R3HDM2: variants seen among roughly 807,000 people sequenced by gnomAD.
R3HDM2 encodes the protein R3H domain containing 2.
A neutral mutation model predicts 124.5 loss-of-function variants in R3HDM2; 38 were observed. The observed-to-expected ratio is 0.31, with a 90% confidence interval of 0.24 to 0.40. The LOEUF (loss-of-function observed/expected upper bound fraction) is 0.40, where lower values mean the gene tolerates loss of function less well. Ranked by LOEUF, R3HDM2 falls within the 10% of genes least tolerant of loss-of-function variation. The pLI is 1.00. For synonymous variants in R3HDM2, 391 were observed against 448.0 expected (o/e 0.87, Z 1.61); for missense variants, 869 against 1,236.9 (o/e 0.70, Z 4.46).
rs1029675317 is a variant in R3HDM2 at position 57,419,596 on chromosome 12, C to T, written c.-106+11124G>A. Among the ~76,000 whole-genome samples the T allele has an allele frequency of 5.9e-5, 9 of 152,186 alleles. No homozygotes were observed. The East Asian group carries it at 1.7e-3, about 29-fold the overall frequency. On this transcript the variant is annotated intron_variant, in intron 1 of 23. Coordinates refer to ENST00000402412, the MANE Select transcript of R3HDM2 (RefSeq NM_001394031.1). ...CTGGGATAAAAGGTGCATGCCACCACATCCAGCTAATTGCTTTAACTTCTG... is the reference window on the plus strand; with the variant it reads ...CTGGGATAAAAGGTGCATGCCACCATATCCAGCTAATTGCTTTAACTTCTG...
intron 2 of R3HDM2, among the ~76,000 whole-genome samples, chr12:57,358,361 G>A (rs1446980875): frequency 1.3e-5 from 2 of 152,108 alleles, no homozygotes; most frequent in African/African-American, 2.4e-5. Flanking sequence ...TAGAGGCCAA[G>A]TGGAGAAGTG....
chr12:57,297,172 A>T (rs990929468), intron 8 of R3HDM2, 156 bp downstream of exon 8: 25 of 542,200 alleles, frequency 4.6e-5, no homozygotes, highest in Non-Finnish European at 4.6e-5. Context: ...GAAAAGATAT[A>T]AATTATTTTT....
chr12:57,315,550 C>A (rs889100380), intron 2 of R3HDM2, among the ~76,000 whole-genome samples: 1 of 152,178 alleles, frequency 6.6e-6, no homozygotes, highest in African/African-American at 2.4e-5. Flanking sequence ...ATCAAAATGA[C>A]AACTTTGCAG....
At chr12:57,421,416 C>CTGGGA (rs1367262226) in intron 1 of R3HDM2, among the ~76,000 whole-genome samples, 1 of 148,658 alleles carries the variant, frequency 6.7e-6, no homozygotes, top group Non-Finnish European at 1.5e-5. Flanking sequence ...TCCCAAAGTG[C>CTGGGA]TGGGATTACA....
chr12:57,393,001 T>A (rs1271085516), intron 2 of R3HDM2, among the ~76,000 whole-genome samples: 1 of 152,058 alleles, frequency 6.6e-6, no homozygotes. Context: ...AGACAGGGTT[T>A]CACCATGTTA....
At chr12:57,275,827 T>C (rs1430829914) in intron 14 of R3HDM2, among the ~76,000 whole-genome samples, 2 of 152,220 alleles carry the variant, frequency 1.3e-5, no homozygotes, top group Non-Finnish European at 2.9e-5. Flanking sequence ...ACAGCAGATG[T>C]TGGCATGGAT....
At chr12:57,328,103 GT>G (rs1245124386) in intron 2 of R3HDM2, among the ~76,000 whole-genome samples, 2 of 148,336 alleles carry the variant, frequency 1.3e-5, no homozygotes, top group African/African-American at 5.0e-5. Context: ...ACAGGGTCTC[GT>G]TCTGTCACCC....
At chr12:57,330,331 T>A (rs1186352732) in intron 2 of R3HDM2, among the ~76,000 whole-genome samples, 4 of 151,890 alleles carry the variant, frequency 2.6e-5, no homozygotes. Context: ...TCCTTCTATT[T>A]TGCTGAATGC....
At chr12:57,395,294 C>T (rs541542751) in intron 2 of R3HDM2, among the ~76,000 whole-genome samples, 7 of 152,152 alleles carry the variant, frequency 4.6e-5, no homozygotes, top group East Asian at 1.9e-4. Context: ...CACCTAAGGT[C>T]GGGAGTTCCA....
At chr12:57,382,105 G>A in intron 2 of R3HDM2, among the ~76,000 whole-genome samples, 1 of 151,480 alleles carries the variant, frequency 6.6e-6, no homozygotes, top group Admixed American at 6.6e-5. Context: ...ACAGGTATGA[G>A]CCACTGCACC....
intron 11 of R3HDM2, among the ~76,000 whole-genome samples, chr12:57,290,154 T>C (rs1458137247): frequency 6.6e-6 from 1 of 152,246 alleles, no homozygotes; most frequent in Non-Finnish European, 1.5e-5. Context: ...CAGTCCACTG[T>C]TGTACATAAT....
At chr12:57,368,581 G>A (rs1397201389) in intron 2 of R3HDM2, among the ~76,000 whole-genome samples, 2 of 152,114 alleles carry the variant, frequency 1.3e-5, no homozygotes, top group East Asian at 1.9e-4. Flanking sequence ...ATGTGATGGA[G>A]CCCCAGTAAA....
At chr12:57,426,207 G>A (rs766905273) in intron 1 of R3HDM2, among the ~76,000 whole-genome samples, 72 of 152,078 alleles carry the variant, frequency 4.7e-4, no homozygotes, top group Non-Finnish European at 6.2e-4. Flanking sequence ...CAGCTTGGGC[G>A]ACAGAGCGAG....
chr12:57,376,671 C>T (rs1336921136), intron 2 of R3HDM2, among the ~76,000 whole-genome samples: 2 of 151,860 alleles, frequency 1.3e-5, no homozygotes, highest in Admixed American at 6.6e-5. Context: ...AATATGGGGA[C>T]GGGGGCAGTG....
At chr12:57,282,658 T>G (rs2046437075) in intron 13 of R3HDM2, among the ~76,000 whole-genome samples, 2 of 151,786 alleles carry the variant, frequency 1.3e-5, no homozygotes, top group Admixed American at 1.3e-4. Context: ...ACCCCGACTC[T>G]TGAAAAAGCA....
chr12:57,422,292 T>C (rs182339902), intron 1 of R3HDM2, among the ~76,000 whole-genome samples: 76 of 152,284 alleles, frequency 5.0e-4, no homozygotes, highest in South Asian at 1.4e-3. Context: ...GTAGCTTTCA[T>C]AGTTTAAGAC....
At chr12:57,370,155 G>A (rs1339693416) in intron 2 of R3HDM2, among the ~76,000 whole-genome samples, 1 of 152,068 alleles carries the variant, frequency 6.6e-6, no homozygotes, top group Non-Finnish European at 1.5e-5. Context: ...TGGATCACGG[G>A]GGCGGTTCCC....
At chr12:57,381,188 G>A (rs1358975079) in intron 2 of R3HDM2, among the ~76,000 whole-genome samples, 1 of 151,792 alleles carries the variant, frequency 6.6e-6, no homozygotes, top group East Asian at 1.9e-4. Flanking sequence ...CTGATATCAC[G>A]CCATTGCACT....
At chr12:57,303,039 G>T (rs2051624067) in intron 4 of R3HDM2, 137 bp downstream of exon 4, 3 of 762,602 alleles carry the variant, frequency 3.9e-6, no homozygotes, top group South Asian at 3.3e-5. Flanking sequence ...ACTTACGCAG[G>T]TTCACAATTG....
Sources: allele counts gnomAD v4.1 joint callset (sites outside exome capture counted in the v4.1 genomes callset), GRCh38; gene constraint gnomAD v4.1.1; transcripts MANE v1.5; gene names NCBI Gene and HGNC (gene_info 2026-07-23, HGNC 2026-07-21).